The following PPP2R2C variants were observed in gnomAD, a reference collection of about 807,000 sequenced individuals.
PPP2R2C encodes protein phosphatase 2 regulatory subunit Bgamma, also known as protein phosphatase 2, regulatory subunit B, gamma.
In PPP2R2C, 10 loss-of-function variants were observed where a neutral mutation model predicts 45.3. That is an observed-to-expected ratio of 0.22 (90% CI 0.14 to 0.37). The LOEUF (loss-of-function observed/expected upper bound fraction) is 0.37, where lower values mean the gene tolerates loss of function less well. PPP2R2C is among the 10% of genes least tolerant of loss of function. PPP2R2C has a pLI of 1.00. For missense variants in PPP2R2C, 308 were observed against 619.7 expected (o/e 0.50, Z 5.34); for synonymous variants, 257 against 245.4 (o/e 1.05, Z -0.44).
In PPP2R2C at chr4:6,479,295, A is replaced by G. The variant is rs564874560; in HGVS notation, c.49+55976T>C. ...CCCTCCATGACCCCCAGGTCCCAGG[A>G]CCAAGCTTCCAGGTGGCTCTCTTGG... On this transcript the variant is annotated intron_variant, in intron 2 of 9. Coordinates refer to the PPP2R2C transcript ENST00000506140. Among the ~76,000 whole-genome samples the G allele has an allele frequency of 2.6e-5, 4 of 152,286 alleles. No homozygotes were observed. The South Asian group carries it at 8.3e-4, about 32-fold the overall frequency.
At chr4:6,475,220 T>C (rs952443263), upstream of PPP2R2C, among the ~76,000 whole-genome samples, 1 of 150,110 alleles carries the variant, frequency 6.7e-6, no homozygotes, top group African/African-American at 2.4e-5. Flanking sequence ...GAGATGGAGA[T>C]GAAGGCGGGG....
At chr4:6,401,787 C>T (rs990447928) in intron 1 of PPP2R2C, among the ~76,000 whole-genome samples, 8 of 152,100 alleles carry the variant, frequency 5.3e-5, no homozygotes, top group African/African-American at 9.7e-5. Flanking sequence ...TGGAGAACAG[C>T]GCTATTTATC....
At chr4:6,442,749 G>A (rs1396129475) in intron 1 of PPP2R2C, among the ~76,000 whole-genome samples, 1 of 152,198 alleles carries the variant, frequency 6.6e-6, no homozygotes, top group Non-Finnish European at 1.5e-5. Flanking sequence ...GCATGGAGAG[G>A]TTACGCAACT....
intron 1 of PPP2R2C, among the ~76,000 whole-genome samples, chr4:6,430,857 G>A (rs149110366): frequency 0.014 from 2,129 of 152,142 alleles, 18 homozygotes; most frequent in Non-Finnish European, 0.023. Flanking sequence ...CCCAGGAGGC[G>A]GAGGTTGCAG....
chr4:6,532,106 C>T (rs1724423828), intron 2 of PPP2R2C, among the ~76,000 whole-genome samples: 1 of 152,198 alleles, frequency 6.6e-6, no homozygotes, highest in Non-Finnish European at 1.5e-5. Context: ...ACCAGGTCAC[C>T]CTCTCCCCCA....
At chr4:6,529,009 G>A (rs1221946104) in intron 2 of PPP2R2C, among the ~76,000 whole-genome samples, 1 of 152,156 alleles carries the variant, frequency 6.6e-6, no homozygotes, top group Admixed American at 6.5e-5. Context: ...ACACGGACGC[G>A]CACTAAACTT....
Position 6,477,827 on chromosome 4 carries a change from C to A in PPP2R2C, c.49+57444G>T, listed in dbSNP as rs376619150. ...TCCCGACTCCCACGCCTTCACCCCC[C>A]ACAGCCTGTCCTCCTTCCAGCCCTG... On this transcript the variant is annotated intron_variant, in intron 2 of 9. Coordinates refer to the PPP2R2C transcript ENST00000506140. Among the ~76,000 whole-genome samples the A allele has an allele frequency of 5.6e-4, 85 of 152,238 alleles. No individual in the cohort carries two copies. In the South Asian group the frequency reaches 0.017, roughly 30 times the overall value.
chr4:6,394,305 T>C (rs190163182), intron 1 of PPP2R2C, among the ~76,000 whole-genome samples: 3 of 152,334 alleles, frequency 2.0e-5, no homozygotes, highest in Admixed American at 2.0e-4. Context: ...GGGTTTCATA[T>C]TCAAGGTTGA....
rs1456538721 is a variant in PPP2R2C, at chr4:6,347,974, A to C, written c.662T>G (p.Leu221Arg). 6.2e-7 allele frequency: 1 copy of C among 1,613,874 alleles called. No individual in the cohort carries two copies. Among genetic ancestry groups the C allele is most frequent in the African/African-American group, 1.3e-5 (1 of 74,876 alleles). Reference sequence around the variant, plus strand: ...CTCAGATGCTGTGATCACCTCCGTAAGGTCCTCCATGTTGGCCGGCTTGAT... The same window carrying C: ...CTCAGATGCTGTGATCACCTCCGTACGGTCCTCCATGTTGGCCGGCTTGAT... ...VDIKPANMED[L>R]TEVITASEFH... The change falls in exon 6 of 9, where the codon CTT (leucine) becomes CGT (arginine). Residue 221 changes from leucine to arginine, a missense_variant. By Grantham distance (102) the Leu-to-Arg change is moderately radical. Transcript: ENST00000382599.
At chr4:6,552,551 T>A (rs1269688141) in intron 1 of PPP2R2C, among the ~76,000 whole-genome samples, 1 of 151,900 alleles carries the variant, frequency 6.6e-6, no homozygotes, top group African/African-American at 2.4e-5. Context: ...CCTCTTTCTC[T>A]CCTCTGCTTG....
chr4:6,528,981 C>T (rs1160900194), intron 2 of PPP2R2C, among the ~76,000 whole-genome samples: 2 of 152,246 alleles, frequency 1.3e-5, no homozygotes, highest in African/African-American at 2.4e-5. Context: ...CACACAAAGC[C>T]TGTTTGGTGG....
At chr4:6,380,930 A>C in intron 2 of PPP2R2C, 67 bp downstream of exon 2, 9 of 1,425,334 alleles carry the variant, frequency 6.3e-6, no homozygotes, top group East Asian at 2.5e-5. Context: ...CCCTCCCACC[A>C]TGCCCGCCTC....
chr4:6,333,490 G>T, intron 7 of PPP2R2C, 72 bp downstream of exon 7: 4 of 1,529,598 alleles, frequency 2.6e-6, no homozygotes, highest in Non-Finnish European at 3.5e-6. Flanking sequence ...TGGCTAGGAA[G>T]GCCCCCTCCA....
intron 5 of PPP2R2C, chr4:6,348,631 C>T: frequency 1.0e-6 from 1 of 984,982 alleles, no homozygotes; most frequent in Non-Finnish European, 1.2e-6. Flanking sequence ...GCTCTCCAGA[C>T]CCCAGGACTT....
intron 1 of PPP2R2C, among the ~76,000 whole-genome samples, chr4:6,540,535 T>A (rs545410615): frequency 6.6e-6 from 1 of 152,240 alleles, no homozygotes; most frequent in African/African-American, 2.4e-5. Flanking sequence ...ACTATGAACA[T>A]TCATGTGCAA....
intron 3 of PPP2R2C, among the ~76,000 whole-genome samples, chr4:6,377,458 T>G: frequency 6.6e-6 from 1 of 151,892 alleles, no homozygotes; most frequent in East Asian, 1.9e-4. Flanking sequence ...GAGTTCGAGA[T>G]CAACCTGGCC....
intron 2 of PPP2R2C, among the ~76,000 whole-genome samples, chr4:6,526,811 A>T (rs1369362622): frequency 6.6e-6 from 1 of 152,186 alleles, no homozygotes; most frequent in African/African-American, 2.4e-5. Context: ...GCCACCTCCC[A>T]CTGAGCAGAA....
chr4:6,542,193 A>T (rs917692449), intron 1 of PPP2R2C, among the ~76,000 whole-genome samples: 1 of 152,120 alleles, frequency 6.6e-6, no homozygotes, highest in Admixed American at 6.5e-5. Context: ...TGGTCGCCCA[A>T]CAATAACCCC....
At chr4:6,442,679 A>C (rs1295240629) in intron 1 of PPP2R2C, among the ~76,000 whole-genome samples, 1 of 152,194 alleles carries the variant, frequency 6.6e-6, no homozygotes, top group African/African-American at 2.4e-5. Context: ...TTAAGTTCCA[A>C]CACCCCTAGG....
Sources: gnomAD v4.1 joint callset for allele counts (sites outside exome capture counted in the v4.1 genomes callset) on GRCh38, gnomAD v4.1.1 for gene constraint, MANE v1.5 for transcripts, NCBI Gene and HGNC (gene_info 2026-07-23, HGNC 2026-07-21) for gene names.